The following DENND6B variants were observed in gnomAD, a reference collection of about 807,000 sequenced individuals.
The protein encoded by DENND6B is protein DENND6B.
Under a neutral mutation model 85.1 loss-of-function variants are expected in DENND6B, and 73 were observed. That is an observed-to-expected ratio of 0.86 (90% confidence interval 0.71 to 1.04). The LOEUF (loss-of-function observed/expected upper bound fraction) is 1.04, where lower values mean the gene tolerates loss of function less well. Among genes scored for constraint, DENND6B ranks in the 50% least tolerant of loss-of-function variants. DENND6B has a pLI of 0.00. For synonymous variants in DENND6B, 357 were observed against 329.3 expected, an observed-to-expected ratio of 1.08 and a Z score of -0.91; for missense variants, 715 against 785.8, an observed-to-expected ratio of 0.91 and a Z score of 1.08.
chr22:50,315,649 C>T (rs1456077902), intron 9 of DENND6B, 65 bp downstream of exon 9: 26 of 1,507,252 alleles, frequency 1.7e-5, no homozygotes, highest in Non-Finnish European at 2.1e-5. Context: ...CACACATGCA[C>T]GTACATGCAC....
In DENND6B at chr22:50,314,280, A is replaced by T. The variant is rs1263079034; in HGVS notation, c.1073-8T>A. The T allele has an allele frequency of 1.2e-6, 2 of 1,608,414 alleles. No individual in the cohort carries two copies. Among genetic ancestry groups the T allele is most frequent in the Non-Finnish European group, 1.7e-6 (2 of 1,178,512 alleles). On this transcript the variant is annotated splice_polypyrimidine_tract_variant and splice_region_variant and intron_variant, in intron 12 of 19. Transcript: ENST00000413817. Reference sequence around the variant, plus strand: ...CTTGCTTAGGCAGGTCTCCTACGAGACACGCCCGGTGGCCAGGCCTCAGTG... The same window carrying T: ...CTTGCTTAGGCAGGTCTCCTACGAGTCACGCCCGGTGGCCAGGCCTCAGTG...
intron 1 of DENND6B, among the ~76,000 whole-genome samples, chr22:50,323,123 T>C (rs1376797801): frequency 7.5e-6 from 1 of 132,550 alleles, no homozygotes; most frequent in African/African-American, 2.8e-5. Context: ...CGCCTCAGCC[T>C]CCTAAAGTGC....
intron 9 of DENND6B, 113 bp from the exon 10 acceptor site, chr22:50,315,034 G>C: frequency 6.9e-7 from 1 of 1,438,946 alleles, no homozygotes; most frequent in Non-Finnish European, 9.5e-7. Context: ...AACACAGCAC[G>C]CTGCTCCAGG....
intron 13 of DENND6B, 161 bp from the exon 14 acceptor site, chr22:50,314,039 C>G (rs1205059089): frequency 5.5e-6 from 7 of 1,263,636 alleles, no homozygotes; most frequent in Non-Finnish European, 6.4e-6. Flanking sequence ...ACACCGAGAC[C>G]CACTGAAGAG....
chr22:50,312,399 T>C lies in DENND6B; in HGVS notation c.1579A>G (p.Lys527Glu). The C allele has an allele frequency of 1.2e-6, 2 of 1,611,678 alleles. No homozygotes were observed. The highest frequency in any genetic ancestry group is 1.7e-6 in the Non-Finnish European group (2 of 1,179,356). ...ICEANIETWM[K>E]DKSEVEVVDL... ...ACGACCTCCACCTCGGACTTGTCTT[T>C]CATCCAGGTCTCGATGTTCTGCAGG... Residue 527 changes from lysine to glutamate, a missense_variant, in exon 19 of 20, where the codon AAA (lysine) becomes GAA (glutamate). Lys to Glu is a moderately conservative substitution (Grantham distance 56). Coordinates refer to ENST00000413817, the MANE Select transcript of DENND6B (RefSeq NM_001001794.4).
Position 50,309,421 on chromosome 22 carries a change from C to T in DENND6B, c.*2718G>A, listed in dbSNP as rs1176204211. 1 of 152,452 alleles carries T rather than the reference C, an allele frequency of 6.6e-6. No individual in the cohort carries two copies. Among genetic ancestry groups the T allele is most frequent in the African/African-American group, 2.4e-5 (1 of 41,464 alleles). 9.4% of individuals were successfully genotyped at this position (152,452 alleles called of 1,614,324 possible). A position where few individuals can be genotyped will look rare whatever the true frequency, so the allele number is the denominator to read the frequency against. ...GGGGCGGGGAGGGCCATGGCCTAGC[C>T]CTGGACAGAGGCTCAGCCAACTCAG... is the stretch of plus-strand genomic sequence containing the variant. On this transcript the variant is annotated 3_prime_UTR_variant, in exon 20 of 20. Coordinates refer to ENST00000413817, the MANE Select transcript of DENND6B (RefSeq NM_001001794.4).
At position 50,313,686 on chromosome 22, in the gene DENND6B, G is replaced by A; in HGVS notation, c.1242C>T (p.Ala414=). ...GCTCCAGGAGGTGCCGCCGCAGCAG[G>A]GCGCTCTGCACATCTGACGGCCGCT... The part of the protein sequence containing the change: ...QKKRPSDVQS[A]LLRRHLLELT... The change falls in exon 15 of 20, where the codon GCC becomes GCT. Residue 414 remains alanine (A), a synonymous_variant. Transcript: ENST00000413817. 1 of 1,600,996 alleles carries A rather than the reference G, an allele frequency of 6.2e-7. No individual in the cohort carries two copies. The highest frequency in any genetic ancestry group is 1.7e-4 in the Middle Eastern group (1 of 6,026).
chr22:50,315,577 CACACACGT>C, intron 9 of DENND6B, 129 bp downstream of exon 9: 1 of 1,084,604 alleles, frequency 9.2e-7, no homozygotes, highest in Non-Finnish European at 1.3e-6. Flanking sequence ...GCCATACACA[CACACACGT>C]GCACACGTGC....
At chr22:50,320,490 A>C (rs1326634745) in intron 1 of DENND6B, among the ~76,000 whole-genome samples, 2 of 152,130 alleles carry the variant, frequency 1.3e-5, no homozygotes, top group East Asian at 3.9e-4. Context: ...TGTCCTGGTT[A>C]CTTCTGCCTC....
chr22:50,321,070 T>C (rs1354692956), intron 1 of DENND6B, among the ~76,000 whole-genome samples: 2 of 152,186 alleles, frequency 1.3e-5, no homozygotes, highest in Non-Finnish European at 1.5e-5. Flanking sequence ...CATGAGGGTC[T>C]TGCCTGAGCC....
At position 50,326,818 on chromosome 22, in the gene DENND6B, C is replaced by A; in HGVS notation, c.171G>T (p.Ala57=). The A allele has an allele frequency of 7.1e-7, 1 of 1,417,468 alleles. No homozygotes were observed. The highest frequency in any genetic ancestry group is 1.5e-5 in the African/African-American group (1 of 66,546). The allele number at this position is 1,417,468 out of a possible 1,614,324, so 87.8% of individuals were successfully genotyped here. The part of the protein sequence containing the change: ...VVTFDLELGQ[A]LELVYPNDFR... ...CGCGCTCGCGCCCGCTCACCTCCAGCGCCTGGCCCAGCTCCAGGTCGAAGG... is the reference window on the plus strand; with the variant it reads ...CGCGCTCGCGCCCGCTCACCTCCAGAGCCTGGCCCAGCTCCAGGTCGAAGG... Residue 57 remains alanine, a synonymous_variant, in exon 1 of 20, where the codon GCG becomes GCT. Transcript: ENST00000413817.
At position 50,326,870 on chromosome 22, in the gene DENND6B, G is replaced by A. The variant is rs868284524; in HGVS notation, c.119C>T (p.Ala40Val). 7.0e-7 allele frequency: 1 copy of A among 1,423,790 alleles called. No individual in the cohort carries two copies. Among genetic ancestry groups the A allele is most frequent in the Non-Finnish European group, 9.2e-7 (1 of 1,089,984 alleles). The allele number at this position is 1,423,790 out of a possible 1,614,324, so 88.2% of individuals were successfully genotyped here. Residue 40 changes from alanine (A) to valine (V), a missense_variant, in exon 1 of 20, where the codon GCC (alanine) becomes GTC (valine). Physicochemically the swap from Ala to Val is moderately conservative, Grantham distance 64. Coordinates refer to ENST00000413817, the MANE Select transcript of DENND6B (RefSeq NM_001001794.4). ...GACCACGCACACACACTCCAGCCAG[G>A]CGGAGAAGCGCGCCCAGGGCGCCGC... is the stretch of plus-strand genomic sequence containing the variant. ...TPAAPWARFS[A>V]WLECVCVVTF...
At position 50,318,904 on chromosome 22, in the gene DENND6B, ACCCCGGTGAGGGCCGAC is replaced by A; in HGVS notation, c.217-32_217-16del. 6.2e-7 allele frequency: 1 copy of A among 1,611,786 alleles called. No individual in the cohort carries two copies. The highest frequency in any genetic ancestry group is 1.1e-5 in the South Asian group (1 of 90,834). On this transcript the variant is annotated splice_polypyrimidine_tract_variant and intron_variant, in intron 2 of 19. Transcript: ENST00000413817. ...ATGCTGCTTTTCTGAAACATATAAA[ACCCCGGTGAGGGCCGAC>A]CCACTCCTGGGTCCTGTCCATTCCC...
At chr22:50,319,113 G>T in intron 1 of DENND6B, 110 bp from the exon 2 acceptor site, 1 of 1,541,036 alleles carries the variant, frequency 6.5e-7, no homozygotes. Flanking sequence ...ATCTGTCTGT[G>T]GGGCGCAGGT....
chr22:50,317,438 G>GCCA, intron 4 of DENND6B, 65 bp from the exon 5 acceptor site: 1 of 1,562,876 alleles, frequency 6.4e-7, no homozygotes, highest in Non-Finnish European at 8.8e-7. Flanking sequence ...CCCAGGGCTG[G>GCCA]GAGTGGCAAG....
chr22:50,314,329 G>C, intron 12 of DENND6B, 57 bp from the exon 13 acceptor site: 1 of 1,590,128 alleles, frequency 6.3e-7, no homozygotes, highest in East Asian at 2.3e-5. Flanking sequence ...CCATCCCCAC[G>C]GGCTCTGAGG....
At chr22:50,315,002 C>T in intron 9 of DENND6B, 81 bp from the exon 10 acceptor site, 1 of 1,561,742 alleles carries the variant, frequency 6.4e-7, no homozygotes, top group Middle Eastern at 2.3e-4. Context: ...ACCGTTCACC[C>T]AGGCTGGCCC....
intron 12 of DENND6B, 43 bp downstream of exon 12, chr22:50,314,357 A>C (rs1416139153): frequency 2.5e-6 from 4 of 1,572,780 alleles, no homozygotes; most frequent in Non-Finnish European, 3.4e-6. Flanking sequence ...ACACTCAACG[A>C]GGCTTCTGAG....
intron 1 of DENND6B, among the ~76,000 whole-genome samples, chr22:50,321,604 C>T (rs2042046572): frequency 6.6e-6 from 1 of 152,092 alleles, no homozygotes; most frequent in South Asian, 2.1e-4. Context: ...CCTCGTGATC[C>T]ACCCGCCTTG....
Sources: gnomAD v4.1 joint callset for allele counts (sites outside exome capture counted in the v4.1 genomes callset) on GRCh38, gnomAD v4.1.1 for gene constraint, MANE v1.5 for transcripts, NCBI Gene and HGNC (gene_info 2026-07-23, HGNC 2026-07-21) for gene names.